The following C6orf141 variants were observed in gnomAD, a reference collection of about 807,000 sequenced individuals.
The protein encoded by C6orf141 is uncharacterized protein C6orf141.
For missense variants in C6orf141, 361 were observed against 335.8 expected (o/e 1.07, Z -0.59); for synonymous variants, 164 against 140.5 (o/e 1.17, Z -1.18).
At position 49,551,345 on chromosome 6, in the gene C6orf141, A is replaced by G; in HGVS notation, c.553A>G (p.Thr185Ala). 1.3e-6 allele frequency: 2 copies of G among 1,551,664 alleles called. No individual in the cohort carries two copies. The highest frequency in any genetic ancestry group is 4.9e-5 in the East Asian group (2 of 40,892). Reference sequence around the variant, plus strand: ...GGCCAAGGGTCGCATGACCACGAGGACTGAGGAGCACTTCGTGACCGCGCT... The same window carrying G: ...GGCCAAGGGTCGCATGACCACGAGGGCTGAGGAGCACTTCGTGACCGCGCT... Reference protein sequence around the residue: ...SWAKGRMTTRTEEHFVTALTF... With the variant: ...SWAKGRMTTRAEEHFVTALTF... Residue 185 changes from threonine (T) to alanine (A), a missense_variant, in exon 1 of 1, where the codon ACT becomes GCT. Physicochemically the swap from Thr to Ala is moderately conservative, Grantham distance 58. Coordinates refer to ENST00000529246, the MANE Select transcript of C6orf141 (RefSeq NM_001145652.2).
In C6orf141 at chr6:49,550,779, CAAAGAAGGAACG is replaced by C. The variant is rs1405349160; in HGVS notation, c.-11_1del. On this transcript the variant is annotated 5_prime_UTR_variant, in exon 1 of 1. Coordinates refer to ENST00000529246, the MANE Select transcript of C6orf141 (RefSeq NM_001145652.2). Reference sequence around the variant, plus strand: ...GCAGGCGCTTGCTGCTTGAACCGGTCAAAGAAGGAACGAATGAATGACCCTTTTGCCAGGATG... The same window carrying C: ...GCAGGCGCTTGCTGCTTGAACCGGTCAATGAATGACCCTTTTGCCAGGATG... 17 of 1,450,928 alleles carry C rather than the reference CAAAGAAGGAACG, an allele frequency of 1.2e-5. No individual in the cohort carries two copies. The highest frequency in any genetic ancestry group is 1.5e-5 in the Non-Finnish European group (17 of 1,101,880). The allele number at this position is 1,450,928 out of a possible 1,614,324, so 89.9% of individuals were successfully genotyped here.
At chr6:49,555,422 T>C (rs1771652996), downstream of C6orf141, 1 of 152,134 alleles carries the variant, frequency 6.6e-6, no homozygotes. Flanking sequence ...CAAATCTCTT[T>C]TAATATTTGG....
In C6orf141 at chr6:49,550,764, G is replaced by T; in HGVS notation, c.-29G>T. On this transcript the variant is annotated 5_prime_UTR_variant, in exon 1 of 1. Transcript: ENST00000529246. ...GCTTTCCGGAGCTCAGCAGGCGCTTGCTGCTTGAACCGGTCAAAGAAGGAA... is the reference window on the plus strand; with the variant it reads ...GCTTTCCGGAGCTCAGCAGGCGCTTTCTGCTTGAACCGGTCAAAGAAGGAA... The T allele has an allele frequency of 7.0e-7, 1 of 1,436,834 alleles. No homozygotes were observed. The highest frequency in any genetic ancestry group is 9.1e-7 in the Non-Finnish European group (1 of 1,093,942). The allele number at this position is 1,436,834 out of a possible 1,614,324, so 89.0% of individuals were successfully genotyped here. A position where few individuals can be genotyped will look rare whatever the true frequency, so the allele number is the denominator to read the frequency against.
chr6:49,560,644 G>C (rs184989265), intron 4 of C6orf141: 10 of 152,402 alleles, frequency 6.6e-5, no homozygotes, highest in Admixed American at 5.2e-4. Flanking sequence ...TGGGATTACA[G>C]GCGCCTGCAA....
intron 4 of C6orf141, among the ~76,000 whole-genome samples, chr6:49,557,346 G>A (rs1772154928): frequency 6.6e-6 from 1 of 152,154 alleles, no homozygotes; most frequent in East Asian, 1.9e-4. Context: ...GGCTGTGTTT[G>A]CAGAGCTTGC....
At chr6:49,554,068 T>C (rs1454314794), downstream of C6orf141, among the ~76,000 whole-genome samples, 2 of 152,196 alleles carry the variant, frequency 1.3e-5, no homozygotes, top group African/African-American at 4.8e-5. Context: ...GATCAGTAAG[T>C]ATATTTCTTA....
chr6:49,559,393 C>CT (rs1157488143), intron 4 of C6orf141, among the ~76,000 whole-genome samples: 1 of 151,498 alleles, frequency 6.6e-6, no homozygotes, highest in Non-Finnish European at 1.5e-5. Flanking sequence ...TTGCAAGTAG[C>CT]TTTTTTCTGG....
In C6orf141 at chr6:49,551,018, G is replaced by T. The variant is rs766797482; in HGVS notation, c.226G>T (p.Gly76Trp). 6.4e-7 allele frequency: 1 copy of T among 1,551,360 alleles called. No individual in the cohort carries two copies. Among genetic ancestry groups the T allele is most frequent in the South Asian group, 1.2e-5 (1 of 84,042 alleles). Reference protein sequence around the residue: ...TADRALGPRAGEELDRESWVR... With the variant: ...TADRALGPRAWEELDRESWVR... ...AGATCGGGCCCTCGGACCTCGGGCC[G>T]GGGAGGAATTGGACCGTGAGTCCTG... Residue 76 changes from glycine (G) to tryptophan (W), a missense_variant, in exon 1 of 1, where the codon GGG becomes TGG. By Grantham distance (184) the Gly-to-Trp change is radical. Transcript: ENST00000529246.
chr6:49,556,125 C>A (rs559429832), downstream of C6orf141, among the ~76,000 whole-genome samples: 1 of 152,308 alleles, frequency 6.6e-6, no homozygotes, highest in Non-Finnish European at 1.5e-5. Context: ...AAAGTAGAAT[C>A]TCAGGCCCCA....
chr6:49,551,013 G>A lies in C6orf141; in HGVS notation c.221G>A (p.Arg74Gln). The change falls in exon 1 of 1, where the codon CGG becomes CAG. Residue 74 changes from arginine to glutamine, a missense_variant. Physicochemically the swap from Arg to Gln is conservative, Grantham distance 43. Transcript: ENST00000529246. ...ACGGCAGATCGGGCCCTCGGACCTCGGGCCGGGGAGGAATTGGACCGTGAG... is the reference window on the plus strand; with the variant it reads ...ACGGCAGATCGGGCCCTCGGACCTCAGGCCGGGGAGGAATTGGACCGTGAG... ...DRTADRALGP[R>Q]AGEELDRESW... The A allele has an allele frequency of 6.4e-7, 1 of 1,551,354 alleles. No individual in the cohort carries two copies. Among genetic ancestry groups the A allele is most frequent in the Non-Finnish European group, 8.7e-7 (1 of 1,146,912 alleles).
chr6:49,556,893 A>T (rs183037003), downstream of C6orf141, among the ~76,000 whole-genome samples: 83 of 152,346 alleles, frequency 5.4e-4, no homozygotes, highest in African/African-American at 1.8e-3. Context: ...CACAAACAAA[A>T]CATTAAGACT....
Position 49,551,169 on chromosome 6 carries a change from A to G in C6orf141, c.377A>G (p.Glu126Gly), listed in dbSNP as rs1270581613. The stretch of plus-strand genomic sequence containing the variant: ...CATGCGGGTGGAGAGGACCACGGCG[A>G]GGAGCCCAACTACCCTTCTGTCTTT... ...LPHAGGEDHGEEPNYPSVFQR... is the reference protein window; with the variant it reads ...LPHAGGEDHGGEPNYPSVFQR... The change falls in exon 1 of 1, where the codon GAG becomes GGG. Residue 126 changes from glutamate to glycine, a missense_variant. By Grantham distance (98) the Glu-to-Gly change is moderately conservative (BLOSUM62 -2). Coordinates refer to ENST00000529246, the MANE Select transcript of C6orf141 (RefSeq NM_001145652.2). 3 of 1,551,622 alleles carry G rather than the reference A, an allele frequency of 1.9e-6. No homozygotes were observed.
downstream of C6orf141, among the ~76,000 whole-genome samples, chr6:49,554,035 C>T (rs936357143): frequency 2.0e-5 from 3 of 152,146 alleles, no homozygotes; most frequent in Non-Finnish European, 4.4e-5. Context: ...GGACTTATTT[C>T]TAGCTTTTCC....
At chr6:49,557,718 C>T (rs1309198707) in intron 4 of C6orf141, among the ~76,000 whole-genome samples, 2 of 152,110 alleles carry the variant, frequency 1.3e-5, no homozygotes, top group Non-Finnish European at 2.9e-5. Flanking sequence ...GGTGGAAGCC[C>T]AGCTTCTCAA....
Position 49,550,950 on chromosome 6 carries a change from G to A in C6orf141, c.158G>A (p.Gly53Glu). ...APGARNPATA[G>E]ASRSQGGGHE... ...GGCGCCCGGAATCCCGCGACGGCAGGGGCGAGCCGAAGCCAGGGCGGCGGC... is the reference window on the plus strand; with the variant it reads ...GGCGCCCGGAATCCCGCGACGGCAGAGGCGAGCCGAAGCCAGGGCGGCGGC... The change falls in exon 1 of 1, where the codon GGG becomes GAG. Residue 53 changes from glycine (G) to glutamate (E), a missense_variant. By Grantham distance (98) the Gly-to-Glu change is moderately conservative. Coordinates refer to ENST00000529246, the MANE Select transcript of C6orf141 (RefSeq NM_001145652.2). 6.5e-7 allele frequency: 1 copy of A among 1,549,368 alleles called. No homozygotes were observed.
chr6:49,551,202 A>G lies in C6orf141; in HGVS notation c.410A>G (p.Gln137Arg). The G allele has an allele frequency of 1.9e-6, 3 of 1,551,540 alleles. No homozygotes were observed. Among genetic ancestry groups the G allele is most frequent in the East Asian group, 2.4e-5 (1 of 40,900 alleles). ...EPNYPSVFQR[Q>R]KRISGRRVAP... ...AACTACCCTTCTGTCTTTCAACGAC[A>G]AAAGCGAATTTCTGGCAGGCGTGTA... Residue 137 changes from glutamine (Q) to arginine (R), a missense_variant, in exon 1 of 1, where the codon CAA becomes CGA. By Grantham distance (43) the Gln-to-Arg change is conservative. Transcript: ENST00000529246.
chr6:49,551,411 TG>T (rs1239470317), exon 1 of C6orf141: 4 of 1,551,472 alleles, frequency 2.6e-6, no homozygotes, highest in Non-Finnish European at 3.5e-6. Flanking sequence ...TGGGGAACGC[TG>T]GGGCCCTGCT....
downstream of C6orf141, among the ~76,000 whole-genome samples, chr6:49,556,221 CAT>C (rs756081451): frequency 3.9e-5 from 6 of 152,142 alleles, no homozygotes; most frequent in Non-Finnish European, 8.8e-5. Context: ...GACATATTCT[CAT>C]ATATTTAGTT....
downstream of C6orf141, among the ~76,000 whole-genome samples, chr6:49,556,992 G>A (rs546618791): frequency 1.3e-5 from 2 of 152,268 alleles, no homozygotes; most frequent in South Asian, 4.1e-4. Flanking sequence ...GGTGGCTCAC[G>A]CCTGTAATCC....
Sources: allele counts gnomAD v4.1 joint callset (sites outside exome capture counted in the v4.1 genomes callset), GRCh38; gene constraint gnomAD v4.1.1; transcripts MANE v1.5; gene names NCBI Gene and HGNC (gene_info 2026-07-23, HGNC 2026-07-21).